ARHGAP24: variants seen among roughly 807,000 people sequenced by gnomAD.
The protein encoded by ARHGAP24 is Rho GTPase activating protein 24.
A neutral mutation model predicts 76.4 loss-of-function variants in ARHGAP24; 50 were observed. The ratio of observed to expected loss-of-function variants is 0.65; its 90% CI spans 0.52 to 0.83. The LOEUF (loss-of-function observed/expected upper bound fraction) is 0.83. Ranked by LOEUF, ARHGAP24 falls within the 40% of genes least tolerant of loss-of-function variation. The pLI is 0.00. For synonymous variants in ARHGAP24, 345 were observed against 323.3 expected, an observed-to-expected ratio of 1.07 and a Z score of -0.72; for missense variants, 930 against 914.2, an observed-to-expected ratio of 1.02 and a Z score of -0.22.
intron 4 of ARHGAP24, among the ~76,000 whole-genome samples, chr4:85,935,383 G>A (rs1164465725): frequency 6.6e-6 from 1 of 152,124 alleles, no homozygotes; most frequent in Non-Finnish European, 1.5e-5. Context: ...TAAGTTGTAG[G>A]TGCCCCTGAA....
At chr4:85,710,759 G>A (rs1263873265) in intron 2 of ARHGAP24, among the ~76,000 whole-genome samples, 5 of 152,056 alleles carry the variant, frequency 3.3e-5, no homozygotes, top group African/African-American at 1.2e-4. Flanking sequence ...ATCACAATGG[G>A]ACACCGTCTC....
intron 2 of ARHGAP24, among the ~76,000 whole-genome samples, chr4:85,588,505 C>T (rs1000793912): frequency 1.3e-5 from 2 of 152,072 alleles, no homozygotes; most frequent in Admixed American, 6.6e-5. Context: ...GCTATTAGCT[C>T]GCCTGTCTTA....
In ARHGAP24 at chr4:85,570,553, C is replaced by A. The variant is rs765096388; in HGVS notation, c.12C>A (p.Asn4Lys). Reference sequence around the variant, plus strand: ...CCATCAGCTTGATAATGGAGGAGAACAATGACTCCACGGAGAACCCCCAAC... The same window carrying A: ...CCATCAGCTTGATAATGGAGGAGAAAAATGACTCCACGGAGAACCCCCAAC... The part of the protein sequence containing the change: MEE[N>K]NDSTENPQQG... The change falls in exon 2 of 10, where the codon AAC becomes AAA. Residue 4 changes from asparagine (N) to lysine (K), a missense_variant. Asn to Lys is a moderately conservative substitution (Grantham distance 94). Transcript: ENST00000395184. 10 of 1,613,522 alleles carry A rather than the reference C, an allele frequency of 6.2e-6. No homozygotes were observed. Among genetic ancestry groups the A allele is most frequent in the Non-Finnish European group, 6.8e-6 (8 of 1,179,974 alleles).
In ARHGAP24 at chr4:85,931,259, G is replaced by A. The variant is rs138330074; in HGVS notation, c.391+7489G>A. Among the ~76,000 whole-genome samples the A allele has an allele frequency of 3.4e-3, 517 of 152,140 alleles. 5 individuals are homozygous for A. Among genetic ancestry groups the A allele is most frequent in the Admixed American group, 6.9e-3 (106 of 15,288 alleles). Reference sequence around the variant, plus strand: ...TCTGTGAATAGGTGGGGTAGGTGGGGCTTAAAGAATAGTGATCCTATGGGG... The same window carrying A: ...TCTGTGAATAGGTGGGGTAGGTGGGACTTAAAGAATAGTGATCCTATGGGG... On this transcript the variant is annotated intron_variant, in intron 4 of 9. Coordinates refer to ENST00000395184, the MANE Select transcript of ARHGAP24 (RefSeq NM_001025616.3).
chr4:85,529,266 A>T (rs753263697), intron 1 of ARHGAP24, among the ~76,000 whole-genome samples: 1 of 152,034 alleles, frequency 6.6e-6, no homozygotes, highest in Non-Finnish European at 1.5e-5. Flanking sequence ...GTACATTGTG[A>T]TAATGTTGTG....
intron 2 of ARHGAP24, among the ~76,000 whole-genome samples, chr4:85,627,603 C>T (rs1332098162): frequency 1.3e-5 from 2 of 152,196 alleles, no homozygotes; most frequent in Non-Finnish European, 2.9e-5. Flanking sequence ...TCAAAGCTGT[C>T]AGAGAGGGAC....
chr4:85,570,470 T>A (rs973118210), intron 1 of ARHGAP24, 52 bp from the exon 2 acceptor site: 2 of 1,413,528 alleles, frequency 1.4e-6, no homozygotes, highest in Non-Finnish European at 2.0e-6. Context: ...AAAAGGGAGT[T>A]GAATATAACA....
rs897649302 is a variant in ARHGAP24 at position 85,753,876 on chromosome 4, T to C, written c.268+31904T>C. The stretch of plus-strand genomic sequence containing the variant: ...TCAGGGAAATCAGGAGAGCCATCAT[T>C]TCCAACATTTATCTTTTCTTTGTGT... On this transcript the variant is annotated intron_variant, in intron 3 of 9. Transcript: ENST00000395184. 9.2e-5 allele frequency among the ~76,000 whole-genome samples: 14 copies of C among 152,350 alleles called. No individual in the cohort carries two copies. In the East Asian group the frequency reaches 2.3e-3, roughly 25 times the overall value.
At chr4:85,780,645 C>T (rs1401127156) in intron 3 of ARHGAP24, among the ~76,000 whole-genome samples, 1 of 151,998 alleles carries the variant, frequency 6.6e-6, no homozygotes, top group Admixed American at 6.6e-5. Context: ...GCAAGAACAC[C>T]AGAAAATGAA....
chr4:85,650,837 A>G lies in ARHGAP24; in HGVS notation c.181-71048A>G, dbSNP rs555965663. On this transcript the variant is annotated intron_variant, in intron 2 of 9. Transcript: ENST00000395184. Reference sequence around the variant, plus strand: ...GAAAGTATTGATCCTAAAGGAGGTCATTTCTGCTAACAGACATATATATTC... The same window carrying G: ...GAAAGTATTGATCCTAAAGGAGGTCGTTTCTGCTAACAGACATATATATTC... Among the ~76,000 whole-genome samples the G allele has an allele frequency of 3.3e-5, 5 of 149,652 alleles. No individual in the cohort carries two copies. In the East Asian group the frequency reaches 9.7e-4, roughly 29 times the overall value.
chr4:85,973,830 A>ATTTTTT (rs1578452367), intron 6 of ARHGAP24, among the ~76,000 whole-genome samples: 13 of 36,954 alleles, frequency 3.5e-4, no homozygotes, highest in East Asian at 1.1e-3. Flanking sequence ...ACTGCTGCCT[A>ATTTTTT]TTGTTTTTTT....
intron 1 of ARHGAP24, among the ~76,000 whole-genome samples, chr4:85,562,578 C>T (rs937208797): frequency 6.6e-6 from 1 of 152,080 alleles, no homozygotes; most frequent in Non-Finnish European, 1.5e-5. Context: ...TGACTCTTGC[C>T]CCTTCTCTCT....
At chr4:85,621,379 C>A (rs959390554) in intron 2 of ARHGAP24, among the ~76,000 whole-genome samples, 3 of 152,028 alleles carry the variant, frequency 2.0e-5, no homozygotes, top group African/African-American at 7.2e-5. Flanking sequence ...ATTTACATTC[C>A]CACCAATAGT....
intron 2 of ARHGAP24, among the ~76,000 whole-genome samples, chr4:85,611,126 T>C (rs1435119648): frequency 6.6e-6 from 1 of 152,234 alleles, no homozygotes; most frequent in African/African-American, 2.4e-5. Context: ...CACATAACTA[T>C]TTCATCTAAT....
chr4:85,909,881 G>T (rs1394831429), intron 3 of ARHGAP24, among the ~76,000 whole-genome samples: 1 of 152,100 alleles, frequency 6.6e-6, no homozygotes, highest in Non-Finnish European at 1.5e-5. Flanking sequence ...TGAAACCTCT[G>T]GCCAGTGGCA....
At chr4:85,601,863 A>T (rs1328179776) in intron 2 of ARHGAP24, among the ~76,000 whole-genome samples, 1 of 152,188 alleles carries the variant, frequency 6.6e-6, no homozygotes, top group Non-Finnish European at 1.5e-5. Flanking sequence ...ACTATTTTCA[A>T]TAAGACTACT....
chr4:85,871,158 AT>A (rs1477761980), intron 3 of ARHGAP24, among the ~76,000 whole-genome samples: 2 of 152,106 alleles, frequency 1.3e-5, no homozygotes, highest in Admixed American at 6.6e-5. Flanking sequence ...AACCCCTACA[AT>A]TGTTTTACAT....
intron 6 of ARHGAP24, among the ~76,000 whole-genome samples, chr4:85,973,977 G>C (rs1328909679): frequency 6.7e-6 from 1 of 150,228 alleles, no homozygotes; most frequent in African/African-American, 2.5e-5. Context: ...CAAGTAGCTG[G>C]GACTACAGGC....
chr4:85,693,765 C>T (rs747537504), intron 2 of ARHGAP24, among the ~76,000 whole-genome samples: 24 of 152,338 alleles, frequency 1.6e-4, no homozygotes, highest in Non-Finnish European at 2.4e-4. Flanking sequence ...TTTCTCCTGG[C>T]CTGGCATCTA....
Sources: allele counts gnomAD v4.1 joint callset (sites outside exome capture counted in the v4.1 genomes callset), GRCh38; gene constraint gnomAD v4.1.1; transcripts MANE v1.5; gene names NCBI Gene and HGNC (gene_info 2026-07-23, HGNC 2026-07-21).